CPXM2: variants seen among roughly 807,000 people sequenced by gnomAD.
CPXM2 encodes carboxypeptidase X, M14 family member 2.
CPXM2 carries 66 observed loss-of-function variants against 86.1 expected under a neutral mutation model. The ratio of observed to expected loss-of-function variants is 0.77; its 90% CI spans 0.63 to 0.94. The LOEUF is 0.94. CPXM2 is among the 40% of genes least tolerant of loss of function. The probability of loss-of-function intolerance (pLI) is 0.00; values close to 1 mark genes in which losing one functional copy is unlikely to be tolerated. For missense variants in CPXM2, 948 were observed against 1,026.3 expected (o/e 0.92, Z 1.04); for synonymous variants, 388 against 400.2 (o/e 0.97, Z 0.36).
At chr10:123,934,502 T>TA (rs767936830) in intron 2 of CPXM2, among the ~76,000 whole-genome samples, 4 of 152,090 alleles carry the variant, frequency 2.6e-5, no homozygotes, top group Non-Finnish European at 5.9e-5. Flanking sequence ...ACACCCATCA[T>TA]ACTGGATTTA....
At chr10:123,760,030 A>T (rs1348497321) in intron 11 of CPXM2, among the ~76,000 whole-genome samples, 2 of 152,230 alleles carry the variant, frequency 1.3e-5, no homozygotes, top group East Asian at 3.8e-4. Context: ...CAATGCAATG[A>T]ATCTGCAGAC....
At chr10:123,752,450 T>C in intron 13 of CPXM2, 1 of 985,420 alleles carries the variant, frequency 1.0e-6, no homozygotes, top group Non-Finnish European at 1.2e-6. Context: ...TACTATTTTG[T>C]GGCATTTTAG....
At chr10:123,914,406 A>G (rs1945517923) in intron 2 of CPXM2, among the ~76,000 whole-genome samples, 1 of 151,942 alleles carries the variant, frequency 6.6e-6, no homozygotes, top group African/African-American at 2.4e-5. Flanking sequence ...TTCTCTCTCT[A>G]GGGAAGCCTG....
intron 2 of CPXM2, among the ~76,000 whole-genome samples, chr10:123,902,954 T>C (rs77611150): frequency 0.079 from 12,041 of 152,326 alleles, 615 homozygotes; most frequent in East Asian, 0.21. Context: ...CCCTTGTCAG[T>C]GCCTTGCCTT....
chr10:123,862,854 C>T (rs1329883263), intron 2 of CPXM2, 131 bp from the exon 3 acceptor site: 8 of 727,012 alleles, frequency 1.1e-5, no homozygotes, highest in Non-Finnish European at 1.7e-5. Context: ...CTGGTCTTTC[C>T]AGACACGGTT....
At chr10:123,931,699 C>G (rs895063050) in intron 2 of CPXM2, 3 of 152,200 alleles carry the variant, frequency 2.0e-5, no homozygotes, top group Non-Finnish European at 4.4e-5. Context: ...AATCTTCCCA[C>G]TACACTCATT....
intron 1 of CPXM2, among the ~76,000 whole-genome samples, chr10:123,886,141 C>CTT (rs1945174681): frequency 6.6e-6 from 1 of 152,178 alleles, no homozygotes; most frequent in South Asian, 2.1e-4. Flanking sequence ...TTTACCTGGA[C>CTT]AAAACACTTT....
At position 123,768,694 on chromosome 10, in the gene CPXM2, C is replaced by T. The variant is rs1248282213; in HGVS notation, c.1131G>A (p.Gly377=). The T allele has an allele frequency of 6.2e-7, 1 of 1,611,118 alleles. No homozygotes were observed. Among genetic ancestry groups the T allele is most frequent in the Admixed American group, 1.7e-5 (1 of 60,016 alleles). The change falls in exon 9 of 14, where the codon GGG becomes GGA. Residue 377 remains glycine (G), a synonymous_variant. Transcript: ENST00000241305. The stretch of plus-strand genomic sequence containing the variant: ...GGCCCAGCACCTCATTGCCGTGGGC[C>T]CCCGCGATGTAGTGGAACTCGGGCT... ...VGEPEFHYIA[G]AHGNEVLGRE...
intron 5 of CPXM2, 118 bp downstream of exon 5, chr10:123,798,997 A>T: frequency 9.0e-7 from 1 of 1,106,802 alleles, no homozygotes; most frequent in Non-Finnish European, 1.3e-6. Flanking sequence ...CTGTAGTGGT[A>T]GGTTTGAGTT....
chr10:123,830,872 CTGTGTGTGTGTG>C (rs34599295), intron 4 of CPXM2, among the ~76,000 whole-genome samples: 107 of 142,772 alleles, frequency 7.5e-4, no homozygotes, highest in East Asian at 5.3e-3. Context: ...CTCTCTCTCT[CTGTGTGTGTGTG>C]TGTGTGTGTG....
intron 3 of CPXM2, among the ~76,000 whole-genome samples, chr10:123,855,507 C>T (rs911357491): frequency 4.6e-5 from 7 of 152,198 alleles, no homozygotes; most frequent in Non-Finnish European, 7.3e-5. Flanking sequence ...CAAAGGTTCT[C>T]CATAGACTTC....
chr10:123,792,529 G>A (rs1847228449), intron 6 of CPXM2, among the ~76,000 whole-genome samples: 1 of 152,140 alleles, frequency 6.6e-6, no homozygotes, highest in African/African-American at 2.4e-5. Flanking sequence ...CCAGAGACAG[G>A]AAGCCAGGGG....
intron 3 of CPXM2, among the ~76,000 whole-genome samples, chr10:123,848,935 A>G (rs189152609): frequency 6.6e-6 from 1 of 152,352 alleles, no homozygotes; most frequent in East Asian, 1.9e-4. Flanking sequence ...TGGCACAGAA[A>G]AGACAGTCAA....
At chr10:123,841,179 C>G (rs2058020042) in intron 4 of CPXM2, among the ~76,000 whole-genome samples, 1 of 152,154 alleles carries the variant, frequency 6.6e-6, no homozygotes, top group Non-Finnish European at 1.5e-5. Context: ...CACCTGAGGT[C>G]CTGCTGACCC....
In CPXM2 at chr10:123,768,546, A is replaced by G. The variant is rs772955437; in HGVS notation, c.1279T>C (p.Tyr427His). 55 of 1,613,492 alleles carry G rather than the reference A, an allele frequency of 3.4e-5. No individual in the cohort carries two copies. The highest frequency in any genetic ancestry group is 6.6e-5 in the South Asian group (6 of 91,024). The change falls in exon 9 of 14, where the codon TAC becomes CAC. Residue 427 changes from tyrosine to histidine, a missense_variant. Coordinates refer to ENST00000241305, the MANE Select transcript of CPXM2 (RefSeq NM_198148.3). ...ATTACCCCTTCGTAGGCCTTCTCGT[A>G]GCCATCGGGGTTGAGGGAGGGGAGG... is the stretch of plus-strand genomic sequence containing the variant. The part of the protein sequence containing the change: ...HVLPSLNPDG[Y>H]EKAYEGGSEL...
intron 1 of CPXM2, among the ~76,000 whole-genome samples, chr10:123,888,950 G>A (rs1218684048): frequency 6.6e-6 from 1 of 152,234 alleles, no homozygotes; most frequent in African/African-American, 2.4e-5. Flanking sequence ...ACTGGGCAAT[G>A]TGTCCTGCAG....
chr10:123,811,909 T>C (rs1432066924), intron 4 of CPXM2, among the ~76,000 whole-genome samples: 3 of 152,208 alleles, frequency 2.0e-5, no homozygotes, highest in African/African-American at 4.8e-5. Flanking sequence ...TTACACCTTT[T>C]ACATTGAAAA....
chr10:123,898,102 C>A (rs1467924093), intron 2 of CPXM2, among the ~76,000 whole-genome samples: 1 of 152,164 alleles, frequency 6.6e-6, no homozygotes, highest in Non-Finnish European at 1.5e-5. Flanking sequence ...CTCTGCCTCT[C>A]CCCACCACAC....
intron 4 of CPXM2, among the ~76,000 whole-genome samples, chr10:123,826,714 G>A (rs999395767): frequency 2.0e-5 from 3 of 151,976 alleles, no homozygotes; most frequent in South Asian, 2.1e-4. Flanking sequence ...CACACAAAGC[G>A]ATTCAGAAAA....
Sources: gnomAD v4.1 joint callset for allele counts (sites outside exome capture counted in the v4.1 genomes callset) on GRCh38, gnomAD v4.1.1 for gene constraint, MANE v1.5 for transcripts, NCBI Gene and HGNC (gene_info 2026-07-23, HGNC 2026-07-21) for gene names.